Variants in COL25A1 observed in about 807,000 individuals in gnomAD.
The protein encoded by COL25A1 is collagen alpha-1(XXV) chain.
A neutral mutation model predicts 128.4 loss-of-function variants in COL25A1; 103 were observed. That is an observed-to-expected ratio of 0.80 (90% CI 0.68 to 0.94). The LOEUF (loss-of-function observed/expected upper bound fraction) is 0.94, where lower values mean the gene tolerates loss of function less well. Ranked by LOEUF, COL25A1 falls within the 40% of genes least tolerant of loss-of-function variation. COL25A1 has a pLI of 0.00. For missense variants in COL25A1, 745 were observed against 840.0 expected (o/e 0.89, Z 1.40); for synonymous variants, 279 against 277.2 (o/e 1.01, Z -0.06).
At chr4:108,873,923 A>T (rs1361120223) in intron 19 of COL25A1, among the ~76,000 whole-genome samples, 1 of 33,370 alleles carries the variant, frequency 3.0e-5, no homozygotes, top group African/African-American at 7.4e-5. Flanking sequence ...TGTAATCTTA[A>T]AAAAAAAACC....
chr4:109,132,170 C>T (rs76824634), intron 3 of COL25A1, among the ~76,000 whole-genome samples: 1,668 of 152,170 alleles, frequency 0.011, 19 homozygotes, highest in African/African-American at 0.029. Flanking sequence ...CCAACAAAGC[C>T]TCATGGAGGA....
chr4:108,950,176 G>A (rs1161546896), intron 8 of COL25A1, among the ~76,000 whole-genome samples: 1 of 152,138 alleles, frequency 6.6e-6, no homozygotes, highest in African/African-American at 2.4e-5. Flanking sequence ...GAGGCAGAGT[G>A]CAAGACATAA....
chr4:108,905,724 C>A (rs1346918969), intron 13 of COL25A1, among the ~76,000 whole-genome samples: 2 of 151,490 alleles, frequency 1.3e-5, no homozygotes, highest in Non-Finnish European at 2.9e-5. Flanking sequence ...CCTTTAAAAC[C>A]AAGGAAGGAG....
intron 5 of COL25A1, among the ~76,000 whole-genome samples, chr4:109,019,668 T>C (rs1235844452): frequency 1.3e-5 from 2 of 152,012 alleles, no homozygotes; most frequent in South Asian, 2.1e-4. Flanking sequence ...GCCCCCATAA[T>C]GCAGTTACCT....
At chr4:108,979,175 C>T (rs967843382) in intron 6 of COL25A1, among the ~76,000 whole-genome samples, 4 of 152,166 alleles carry the variant, frequency 2.6e-5, no homozygotes, top group African/African-American at 4.8e-5. Flanking sequence ...TTTGCAAGAA[C>T]CACCCTTCTA....
At chr4:109,121,405 C>T (rs1050492212) in intron 3 of COL25A1, among the ~76,000 whole-genome samples, 1 of 151,924 alleles carries the variant, frequency 6.6e-6, no homozygotes, top group African/African-American at 2.4e-5. Context: ...CTCAAATATA[C>T]AAAGAACTCC....
chr4:108,912,339 C>A (rs994882585), intron 13 of COL25A1, among the ~76,000 whole-genome samples: 17 of 152,082 alleles, frequency 1.1e-4, no homozygotes, highest in African/African-American at 4.1e-4. Context: ...CTAATCTATA[C>A]AATTATTAAT....
intron 3 of COL25A1, among the ~76,000 whole-genome samples, chr4:109,091,580 T>C (rs887793496): frequency 6.6e-6 from 1 of 152,134 alleles, no homozygotes; most frequent in Non-Finnish European, 1.5e-5. Flanking sequence ...TAACACATAG[T>C]TCACCATGCA....
chr4:109,059,044 T>A (rs1288353111), intron 3 of COL25A1, among the ~76,000 whole-genome samples: 1 of 151,826 alleles, frequency 6.6e-6, no homozygotes, highest in Non-Finnish European at 1.5e-5. Context: ...AATGATAGAG[T>A]AAGATCTGTT....
intron 18 of COL25A1, 112 bp from the exon 19 acceptor site, chr4:108,884,334 AAAAC>A: frequency 1.0e-6 from 1 of 978,560 alleles, no homozygotes; most frequent in East Asian, 2.6e-5. Context: ...GATAAATAAA[AAAAC>A]CGTCTACTTT....
At chr4:109,252,875 C>A (rs34935197) in intron 3 of COL25A1, among the ~76,000 whole-genome samples, 11 of 152,310 alleles carry the variant, frequency 7.2e-5, no homozygotes, top group African/African-American at 2.6e-4. Flanking sequence ...GTGGAAACAT[C>A]TGTAAAGCTG....
chr4:109,169,784 G>A (rs544339617), intron 3 of COL25A1, among the ~76,000 whole-genome samples: 1 of 152,016 alleles, frequency 6.6e-6, no homozygotes, highest in East Asian at 1.9e-4. Flanking sequence ...CTTCAAAAGG[G>A]AAAAGAGCAA....
intron 3 of COL25A1, among the ~76,000 whole-genome samples, chr4:109,234,119 A>C (rs1779324698): frequency 6.6e-6 from 1 of 152,168 alleles, no homozygotes; most frequent in Admixed American, 6.6e-5. Context: ...AATGGGTAGA[A>C]GCCTATGTGA....
At chr4:109,019,375 C>CATAT (rs57842656) in intron 5 of COL25A1, among the ~76,000 whole-genome samples, 1,731 of 48,756 alleles carry the variant, frequency 0.036, 84 homozygotes, top group Non-Finnish European at 0.038. Context: ...CACACACACA[C>CATAT]ATATATATAT....
At position 108,832,438 on chromosome 4, in the gene COL25A1, A is replaced by G; in HGVS notation, c.1657-5T>C. 6.3e-7 allele frequency: 1 copy of G among 1,589,198 alleles called. No individual in the cohort carries two copies. Among genetic ancestry groups the G allele is most frequent in the South Asian group, 1.1e-5 (1 of 88,370 alleles). On this transcript the variant is annotated splice_polypyrimidine_tract_variant and splice_region_variant and intron_variant, in intron 31 of 37. Coordinates refer to ENST00000399132, the MANE Select transcript of COL25A1 (RefSeq NM_198721.4). ...TCCCATAGGACCATCTGTACCCTAA[A>G]AAAAAGATAATATGAGATATATCAC...
At chr4:108,985,701 C>G (rs1016989115) in intron 6 of COL25A1, among the ~76,000 whole-genome samples, 2 of 152,196 alleles carry the variant, frequency 1.3e-5, no homozygotes, top group Non-Finnish European at 1.5e-5. Flanking sequence ...ATGGGGTTGA[C>G]AAAACCTGTA....
chr4:108,994,213 GT>G (rs779645973), intron 6 of COL25A1, among the ~76,000 whole-genome samples: 17 of 152,186 alleles, frequency 1.1e-4, no homozygotes, highest in Non-Finnish European at 1.9e-4. Context: ...AAGGGAAGCC[GT>G]GACAGACTGC....
At chr4:109,211,504 G>A (rs1194405319) in intron 3 of COL25A1, among the ~76,000 whole-genome samples, 1 of 151,198 alleles carries the variant, frequency 6.6e-6, no homozygotes, top group Non-Finnish European at 1.5e-5. Flanking sequence ...GAGATGGGGA[G>A]TGATAGGGAG....
At chr4:109,075,166 C>G (rs956556944) in intron 3 of COL25A1, among the ~76,000 whole-genome samples, 1 of 152,122 alleles carries the variant, frequency 6.6e-6, no homozygotes, top group African/African-American at 2.4e-5. Flanking sequence ...CAGGAAACAT[C>G]AGCATTTTCT....
Sources: gnomAD v4.1 joint callset for allele counts (sites outside exome capture counted in the v4.1 genomes callset) on GRCh38, gnomAD v4.1.1 for gene constraint, MANE v1.5 for transcripts, NCBI Gene and HGNC (gene_info 2026-07-23, HGNC 2026-07-21) for gene names.